Variants in VIPR2 observed in about 807,000 individuals in gnomAD.
The protein encoded by VIPR2 is vasoactive intestinal polypeptide receptor 2.
In VIPR2, 48 loss-of-function variants were observed where a neutral mutation model predicts 58.0. The observed-to-expected ratio is 0.83, with a 90% confidence interval of 0.66 to 1.05. The LOEUF (loss-of-function observed/expected upper bound fraction) is 1.05, where lower values mean the gene tolerates loss of function less well. VIPR2 is among the 50% of genes least tolerant of loss of function. The probability of loss-of-function intolerance (pLI) is 0.00; values close to 1 mark genes in which losing one functional copy is unlikely to be tolerated. For missense variants in VIPR2, 534 were observed against 558.0 expected (o/e 0.96, Z 0.43); for synonymous variants, 243 against 235.2 (o/e 1.03, Z -0.30).
rs940349118 is a variant in VIPR2 at position 159,098,428 on chromosome 7, G to T, written c.357+5329C>A. On this transcript the variant is annotated intron_variant, in intron 4 of 12. Coordinates refer to ENST00000262178, the MANE Select transcript of VIPR2 (RefSeq NM_003382.5). This position sits in a 1 kb window ranked among gnomAD's most constrained non-coding sequence, Gnocchi z 5.2. ...CAGTGAAGACCTAAGACTCCCCCAG[G>T]CCTGAAAGCTGGTCTTGGCAGGAAG... Among the ~76,000 whole-genome samples, 1 of 152,180 alleles carries T rather than the reference G, an allele frequency of 6.6e-6. No individual in the cohort carries two copies. Among genetic ancestry groups the T allele is most frequent in the African/African-American group, 2.4e-5 (1 of 41,432 alleles).
intron 4 of VIPR2, among the ~76,000 whole-genome samples, chr7:159,087,542 C>T (rs867546945): frequency 1.3e-3 from 160 of 124,022 alleles, no homozygotes; most frequent in Middle Eastern, 6.0e-3. Flanking sequence ...ACAAACAATA[C>T]CCAGGACTCG....
intron 4 of VIPR2, among the ~76,000 whole-genome samples, chr7:159,063,787 T>TCCTGGTGGGGTCC (rs1855881587): frequency 2.5e-5 from 1 of 40,158 alleles, no homozygotes; most frequent in Non-Finnish European, 4.2e-5. Context: ...AGGTGGGGTC[T>TCCTGGTGGGGTCC]GGGGGTCCTG....
chr7:159,036,299 G>C (rs1853950929), intron 7 of VIPR2, among the ~76,000 whole-genome samples: 1 of 152,248 alleles, frequency 6.6e-6, no homozygotes, highest in Non-Finnish European at 1.5e-5. Flanking sequence ...AAGGAGATGT[G>C]TTCACTGATT....
intron 3 of VIPR2, among the ~76,000 whole-genome samples, chr7:159,106,200 A>G (rs1483302489): frequency 6.6e-6 from 1 of 152,190 alleles, no homozygotes; most frequent in Non-Finnish European, 1.5e-5. Context: ...TCTCCTTCCT[A>G]CGGGAGATCA....
At chr7:159,040,592 C>T (rs962889386) in intron 6 of VIPR2, among the ~76,000 whole-genome samples, 5 of 152,232 alleles carry the variant, frequency 3.3e-5, no homozygotes, top group African/African-American at 1.2e-4. Context: ...ATCTTCTTGG[C>T]TGATCCTAAT....
intron 4 of VIPR2, among the ~76,000 whole-genome samples, chr7:159,060,210 C>G (rs1855563179): frequency 6.6e-6 from 1 of 150,832 alleles, no homozygotes; most frequent in Non-Finnish European, 1.5e-5. Flanking sequence ...CCACTCTCAA[C>G]TTACCTAATC....
intron 2 of VIPR2, among the ~76,000 whole-genome samples, chr7:159,134,789 C>A (rs931424332): frequency 6.6e-6 from 1 of 151,810 alleles, no homozygotes; most frequent in South Asian, 2.1e-4. Context: ...TCCTGAGTAG[C>A]TGGGACTAGA....
intron 4 of VIPR2, chr7:159,059,286 G>T (rs1295271090): frequency 2.1e-6 from 1 of 471,284 alleles, no homozygotes; most frequent in Non-Finnish European, 4.4e-6. Flanking sequence ...AGCAACACCT[G>T]CAGGGCATCA....
chr7:159,127,633 A>C lies in VIPR2; in HGVS notation c.151+14813T>G, dbSNP rs1796704286. Among the ~76,000 whole-genome samples the C allele has an allele frequency of 6.6e-6, 1 of 152,124 alleles. No homozygotes were observed. The highest frequency in any genetic ancestry group is 1.9e-4 in the East Asian group (1 of 5,174). Reference sequence around the variant, plus strand: ...CCTCAGAGGTGGGAGTCTCTTCCACACCTGCAGGGTCCTCGGGGCCCTCAG... The same window carrying C: ...CCTCAGAGGTGGGAGTCTCTTCCACCCCTGCAGGGTCCTCGGGGCCCTCAG... On this transcript the variant is annotated intron_variant, in intron 2 of 12. Transcript: ENST00000262178. This position sits in a 1 kb window ranked among gnomAD's most constrained non-coding sequence, Gnocchi z 4.6.
intron 4 of VIPR2, among the ~76,000 whole-genome samples, chr7:159,073,170 C>A (rs148544683): frequency 1.3e-5 from 2 of 152,192 alleles, no homozygotes; most frequent in African/African-American, 4.8e-5. Flanking sequence ...ATGTCAAAAG[C>A]AGACAATATA....
intron 4 of VIPR2, among the ~76,000 whole-genome samples, chr7:159,086,729 C>T (rs116636498): frequency 0.018 from 2,777 of 152,304 alleles, 88 homozygotes; most frequent in African/African-American, 0.061. Flanking sequence ...TGCCTCCGAG[C>T]GCCTGCCCAG....
chr7:159,031,465 C>G lies in VIPR2; in HGVS notation c.1143+363G>C, dbSNP rs1254559608. 7.1e-6 allele frequency: 7 copies of G among 985,262 alleles called. No homozygotes were observed. The highest frequency in any genetic ancestry group is 6.1e-5 in the Admixed American group (1 of 16,270). The allele number at this position is 985,262 out of a possible 1,614,324, so 61.0% of individuals were successfully genotyped here. A position where few individuals can be genotyped will look rare whatever the true frequency, so the allele number is the denominator to read the frequency against. On this transcript the variant is annotated intron_variant, in intron 12 of 12. Transcript: ENST00000262178. This position sits in a 1 kb window ranked among gnomAD's most constrained non-coding sequence, Gnocchi z 4.0. The stretch of plus-strand genomic sequence containing the variant: ...CAGGACGCTGTGCAGCCCCACCCCC[C>G]AACCCAGGCCCGGCTTTCTGGGACT...
At chr7:159,054,968 A>G (rs145493116) in intron 5 of VIPR2, among the ~76,000 whole-genome samples, 95 of 152,340 alleles carry the variant, frequency 6.2e-4, no homozygotes, top group African/African-American at 2.1e-3. Context: ...ATGTGTGTAC[A>G]TATACACACA....
chr7:159,125,794 A>G (rs12111629), intron 2 of VIPR2, among the ~76,000 whole-genome samples: 24,152 of 151,878 alleles, frequency 0.16, 2,956 homozygotes, highest in African/African-American at 0.34. Context: ...TTTCCCAGCC[A>G]CCCAGCTGAC....
At chr7:159,139,709 C>G (rs189856982) in intron 2 of VIPR2, among the ~76,000 whole-genome samples, 225 of 152,356 alleles carry the variant, frequency 1.5e-3, no homozygotes, top group Middle Eastern at 0.014. Flanking sequence ...AGTGAGCTCC[C>G]AGAACACATA....
chr7:159,072,591 CAG>C (rs1856461190), intron 4 of VIPR2, among the ~76,000 whole-genome samples: 1 of 152,150 alleles, frequency 6.6e-6, no homozygotes. Context: ...ACGAAAGACA[CAG>C]AAAGTTACCT....
chr7:159,080,057 A>T, intron 4 of VIPR2, among the ~76,000 whole-genome samples: 1 of 152,222 alleles, frequency 6.6e-6, no homozygotes, highest in Non-Finnish European at 1.5e-5. Context: ...AGCTGATACC[A>T]TTCCTTCTGA....
chr7:159,081,851 A>C (rs921095363), intron 4 of VIPR2, among the ~76,000 whole-genome samples: 3 of 152,372 alleles, frequency 2.0e-5, no homozygotes, highest in Non-Finnish European at 2.9e-5. Flanking sequence ...GCAGCCAAAA[A>C]ACACATGAAA....
At chr7:159,103,212 G>A (rs1436231303) in intron 4 of VIPR2, among the ~76,000 whole-genome samples, 1 of 152,202 alleles carries the variant, frequency 6.6e-6, no homozygotes, top group Non-Finnish European at 1.5e-5. Context: ...AGTTTGTGCA[G>A]CCCGGATTGG....
Sources: allele counts gnomAD v4.1 joint callset (sites outside exome capture counted in the v4.1 genomes callset), GRCh38; gene constraint gnomAD v4.1.1; non-coding constraint Gnocchi (gnomAD v3.1); transcripts MANE v1.5; gene names NCBI Gene and HGNC (gene_info 2026-07-23, HGNC 2026-07-21).